NRG3: variants seen among roughly 807,000 people sequenced by gnomAD.
NRG3 encodes the protein neuregulin 3.
In NRG3, 31 loss-of-function variants were observed where a neutral mutation model predicts 66.9. The ratio of observed to expected loss-of-function variants is 0.46; its 90% CI spans 0.35 to 0.63. NRG3 has a LOEUF of 0.63. Among genes scored for constraint, NRG3 ranks in the 20% least tolerant of loss-of-function variants. The pLI is 0.00. For synonymous variants in NRG3, 393 were observed against 359.4 expected, an observed-to-expected ratio of 1.09 and a Z score of -1.06; for missense variants, 910 against 878.9, an observed-to-expected ratio of 1.04 and a Z score of -0.45.
chr10:82,313,313 G>A (rs7896893), intron 1 of NRG3, among the ~76,000 whole-genome samples: 1,681 of 151,662 alleles, frequency 0.011, 21 homozygotes, highest in African/African-American at 0.033. Flanking sequence ...CTCCAGCCTC[G>A]GTGACAGAGC....
chr10:82,598,390 G>A (rs2047413323), intron 2 of NRG3, among the ~76,000 whole-genome samples: 2 of 152,182 alleles, frequency 1.3e-5, no homozygotes, highest in South Asian at 2.1e-4. Flanking sequence ...AGGAAAACAA[G>A]CCACAAATGG....
intron 1 of NRG3, among the ~76,000 whole-genome samples, chr10:81,880,018 A>G (rs1245771862): frequency 1.3e-5 from 2 of 152,182 alleles, no homozygotes; most frequent in East Asian, 3.9e-4. Context: ...ATGAAATCCA[A>G]TTGAGAGCTT....
intron 1 of NRG3, among the ~76,000 whole-genome samples, chr10:82,023,456 C>A (rs1253055444): frequency 6.6e-6 from 1 of 151,976 alleles, no homozygotes; most frequent in South Asian, 2.1e-4. Flanking sequence ...GAAAGGCTTG[C>A]AATTTTTCCC....
At chr10:82,866,849 T>C (rs752266358) in intron 4 of NRG3, among the ~76,000 whole-genome samples, 15 of 152,196 alleles carry the variant, frequency 9.9e-5, no homozygotes, top group Admixed American at 2.0e-4. Context: ...TGAGTGTAAA[T>C]AACCAAACTG....
intron 1 of NRG3, among the ~76,000 whole-genome samples, chr10:81,986,108 T>A (rs1450675443): frequency 6.6e-6 from 1 of 152,174 alleles, no homozygotes; most frequent in African/African-American, 2.4e-5. Context: ...CACAGTTTAT[T>A]TTATATTAAC....
intron 2 of NRG3, among the ~76,000 whole-genome samples, chr10:82,727,895 T>C (rs1355290857): frequency 1.3e-5 from 2 of 152,122 alleles, no homozygotes; most frequent in Non-Finnish European, 2.9e-5. Context: ...TCTCACATCA[T>C]TGTGACCCAG....
intron 8 of NRG3, chr10:82,984,862 G>A: frequency 6.7e-7 from 1 of 1,481,696 alleles, no homozygotes; most frequent in Non-Finnish European, 9.3e-7. Context: ...AAAGTAAGAA[G>A]ATCTGGGTTT....
intron 2 of NRG3, among the ~76,000 whole-genome samples, chr10:82,486,375 G>A (rs774368223): frequency 3.3e-5 from 5 of 152,114 alleles, no homozygotes; most frequent in Admixed American, 1.3e-4. Flanking sequence ...AATGTCCATT[G>A]GCAGGTGAAT....
chr10:82,335,181 G>A (rs1321213123), intron 1 of NRG3, among the ~76,000 whole-genome samples: 1 of 152,156 alleles, frequency 6.6e-6, no homozygotes, highest in African/African-American at 2.4e-5. Context: ...CTCAAATCTT[G>A]TTAATGAATT....
chr10:82,712,287 C>T (rs1284308087), intron 2 of NRG3, among the ~76,000 whole-genome samples: 3 of 152,002 alleles, frequency 2.0e-5, no homozygotes, highest in Non-Finnish European at 4.4e-5. Context: ...AATAACAAAC[C>T]ATATCTTTCA....
At position 82,973,780 on chromosome 10, in the gene NRG3, T is replaced by C. The variant is rs769916203; in HGVS notation, c.1285-8T>C. 2 of 1,613,954 alleles carry C rather than the reference T, an allele frequency of 1.2e-6. No individual in the cohort carries two copies. The highest frequency in any genetic ancestry group is 1.7e-6 in the Non-Finnish European group (2 of 1,179,846). Reference sequence around the variant, plus strand: ...TCGTCTCAACTCTGTACGTGTGATTTCCCACAGTATTCAAAGGTGGAAAGG... The same window carrying C: ...TCGTCTCAACTCTGTACGTGTGATTCCCCACAGTATTCAAAGGTGGAAAGG... On this transcript the variant is annotated splice_polypyrimidine_tract_variant and splice_region_variant and intron_variant, in intron 6 of 8. Coordinates refer to ENST00000372141, the MANE Select transcript of NRG3 (RefSeq NM_001010848.4).
chr10:82,327,200 G>A lies in NRG3; in HGVS notation c.824-31539G>A, dbSNP rs569088727. Among the ~76,000 whole-genome samples, 8 of 152,234 alleles carry A rather than the reference G, an allele frequency of 5.3e-5. No homozygotes were observed. In the South Asian group the frequency reaches 1.7e-3, roughly 32 times the overall value. ...GACTCTCATCTCAGAAGCAAGATTA[G>A]GATAAGAACAGGACATGGGACTAGA... On this transcript the variant is annotated intron_variant, in intron 1 of 8. Transcript: ENST00000372141.
At chr10:82,116,805 C>A (rs76667518) in intron 1 of NRG3, among the ~76,000 whole-genome samples, 1 of 152,104 alleles carries the variant, frequency 6.6e-6, no homozygotes, top group African/African-American at 2.4e-5. Flanking sequence ...CATCTTCCTG[C>A]CCGATTTATA....
At chr10:82,816,801 G>C (rs1202460181) in intron 3 of NRG3, among the ~76,000 whole-genome samples, 1 of 152,160 alleles carries the variant, frequency 6.6e-6, no homozygotes, top group African/African-American at 2.4e-5. Context: ...GCTCAGCAGA[G>C]CACGCAGCCC....
chr10:82,777,541 G>A (rs2059954595), intron 3 of NRG3, among the ~76,000 whole-genome samples: 1 of 152,152 alleles, frequency 6.6e-6, no homozygotes, highest in South Asian at 2.1e-4. Flanking sequence ...CTAGGGTGGT[G>A]ACTCTTAGGC....
At chr10:82,883,720 A>G (rs910786568) in intron 4 of NRG3, among the ~76,000 whole-genome samples, 3 of 152,002 alleles carry the variant, frequency 2.0e-5, no homozygotes, top group Non-Finnish European at 4.4e-5. Flanking sequence ...TTTCCTGTGC[A>G]CTATTTTCAG....
intron 1 of NRG3, among the ~76,000 whole-genome samples, chr10:82,001,205 A>AAG (rs2061153755): frequency 1.3e-5 from 2 of 151,928 alleles, no homozygotes; most frequent in African/African-American, 4.8e-5. Flanking sequence ...GAAAAAAAAA[A>AAG]AAAAAGCAAA....
At chr10:81,964,571 T>G (rs1037360467) in intron 1 of NRG3, among the ~76,000 whole-genome samples, 4 of 152,118 alleles carry the variant, frequency 2.6e-5, no homozygotes, top group Admixed American at 6.5e-5. Context: ...CTAGTAAAAA[T>G]TTCTGACATT....
At chr10:82,459,884 A>G (rs1164677330) in intron 2 of NRG3, among the ~76,000 whole-genome samples, 1 of 152,194 alleles carries the variant, frequency 6.6e-6, no homozygotes, top group Non-Finnish European at 1.5e-5. Context: ...ATTCTACTTC[A>G]TTTGCTCATT....
Sources: gnomAD v4.1 joint callset for allele counts (sites outside exome capture counted in the v4.1 genomes callset) on GRCh38, gnomAD v4.1.1 for gene constraint, MANE v1.5 for transcripts, NCBI Gene and HGNC (gene_info 2026-07-23, HGNC 2026-07-21) for gene names.